The following OR2L13 variants were observed in gnomAD, a reference collection of about 807,000 sequenced individuals.
The protein encoded by OR2L13 is olfactory receptor family 2 subfamily L member 13, also known as olfactory receptor 2L13.
OR2L13 carries 14 observed loss-of-function variants against 15.3 expected under a neutral mutation model. The observed-to-expected ratio is 0.91, with a 90% confidence interval of 0.60 to 1.43. The LOEUF is 1.43. Among genes scored for constraint, OR2L13 ranks in the 40% most tolerant of loss-of-function variants. The probability of loss-of-function intolerance (pLI) is 0.00; values close to 1 mark genes in which losing one functional copy is unlikely to be tolerated. For missense variants in OR2L13, 367 were observed against 387.9 expected, an observed-to-expected ratio of 0.95 and a Z score of 0.45; for synonymous variants, 152 against 142.9, an observed-to-expected ratio of 1.06 and a Z score of -0.45.
At chr1:248,081,692 T>C in the OR2L13 span, among the ~76,000 whole-genome samples, 2 of 152,082 alleles carry the variant, frequency 1.3e-5, no homozygotes, top group East Asian at 3.8e-4. Flanking sequence ...TTAAAAAGAG[T>C]AGCAAACTTT....
chr1:247,994,312 G>A, the OR2L13 span, among the ~76,000 whole-genome samples: 1 of 152,142 alleles, frequency 6.6e-6, no homozygotes, highest in Non-Finnish European at 1.5e-5. Flanking sequence ...CAGGAGAATG[G>A]CGTGAACCCG....
At chr1:248,031,325 A>C in the OR2L13 span, among the ~76,000 whole-genome samples, 7 of 152,308 alleles carry the variant, frequency 4.6e-5, no homozygotes, top group South Asian at 1.4e-3. Flanking sequence ...TGTTCATGAG[A>C]TATTGTAACA....
At chr1:247,948,104 T>C in the OR2L13 span, among the ~76,000 whole-genome samples, 1 of 152,022 alleles carries the variant, frequency 6.6e-6, no homozygotes, top group South Asian at 2.1e-4. Context: ...TCGCAGCTAC[T>C]CAGGAGGCTG....
At chr1:248,028,522 T>C in the OR2L13 span, among the ~76,000 whole-genome samples, 2 of 152,250 alleles carry the variant, frequency 1.3e-5, no homozygotes, top group African/African-American at 4.8e-5. Context: ...ATAATTCAAA[T>C]GGACTGAATA....
the OR2L13 span, among the ~76,000 whole-genome samples, chr1:248,067,939 G>T: frequency 6.6e-6 from 1 of 152,248 alleles, no homozygotes; most frequent in Non-Finnish European, 1.5e-5. Context: ...AGCGAGGCTG[G>T]GGGAGGGGCG....
At chr1:247,986,079 A>AG in the OR2L13 span, among the ~76,000 whole-genome samples, 1 of 152,124 alleles carries the variant, frequency 6.6e-6, no homozygotes, top group African/African-American at 2.4e-5. Flanking sequence ...CTCTGATGGT[A>AG]GTTTCTTTTG....
the OR2L13 span, among the ~76,000 whole-genome samples, chr1:248,017,298 A>T: frequency 6.6e-6 from 1 of 152,242 alleles, no homozygotes; most frequent in Non-Finnish European, 1.5e-5. Context: ...TGTCCTCTTC[A>T]CATTACTGAA....
chr1:248,014,738 T>C, the OR2L13 span, among the ~76,000 whole-genome samples: 2 of 152,168 alleles, frequency 1.3e-5, no homozygotes. Context: ...CCCAGTCAAG[T>C]AATACACGGT....
At chr1:248,019,514 G>C in the OR2L13 span, among the ~76,000 whole-genome samples, 1 of 151,994 alleles carries the variant, frequency 6.6e-6, no homozygotes, top group Non-Finnish European at 1.5e-5. Flanking sequence ...CTTACACTTA[G>C]GTCTTTGATT....
At chr1:247,994,396 CA>C in the OR2L13 span, among the ~76,000 whole-genome samples, 1 of 152,096 alleles carries the variant, frequency 6.6e-6, no homozygotes, top group Non-Finnish European at 1.5e-5. Flanking sequence ...GACTCCATCT[CA>C]AAAACAAACA....
chr1:248,008,260 A>G, the OR2L13 span, among the ~76,000 whole-genome samples: 3 of 152,052 alleles, frequency 2.0e-5, no homozygotes, highest in Non-Finnish European at 4.4e-5. Flanking sequence ...TCCTAGTGAC[A>G]CCCCTAGAAT....
chr1:248,077,852 G>T, the OR2L13 span, among the ~76,000 whole-genome samples: 3 of 152,056 alleles, frequency 2.0e-5, no homozygotes, highest in South Asian at 2.1e-4. Context: ...GAGCAAAAGA[G>T]TTAAACAGAC....
At chr1:248,049,967 C>T in the OR2L13 span, among the ~76,000 whole-genome samples, 4 of 152,066 alleles carry the variant, frequency 2.6e-5, no homozygotes, top group Non-Finnish European at 1.5e-5. Flanking sequence ...TACTGAAAAT[C>T]TCTGAATCTC....
the OR2L13 span, chr1:248,084,667 G>A: frequency 1.3e-6 from 2 of 1,511,504 alleles, no homozygotes; most frequent in Non-Finnish European, 1.8e-6. Context: ...TGAATAACGA[G>A]CTAACTTCCC....
chr1:248,093,578 A>G (rs1664648776), upstream of OR2L13, among the ~76,000 whole-genome samples: 1 of 152,146 alleles, frequency 6.6e-6, no homozygotes. Context: ...AAAGCACTAG[A>G]ATGGCTTTGT....
chr1:248,068,375 C>G, the OR2L13 span, among the ~76,000 whole-genome samples: 1 of 152,078 alleles, frequency 6.6e-6, no homozygotes, highest in Non-Finnish European at 1.5e-5. Flanking sequence ...GCTGCTGGTA[C>G]CCAGGCAAAC....
chr1:248,061,133 G>C, the OR2L13 span: 2 of 1,613,654 alleles, frequency 1.2e-6, no homozygotes, highest in Non-Finnish European at 1.7e-6. Flanking sequence ...TGGATCATAG[G>C]CTCGATCAAT....
chr1:248,056,664 T>C, the OR2L13 span, among the ~76,000 whole-genome samples: 14 of 125,190 alleles, frequency 1.1e-4, no homozygotes, highest in Non-Finnish European at 1.8e-4. Flanking sequence ...TGTGTGGTTT[T>C]GAGGGGGCTT....
chr1:247,978,092 A>T, the OR2L13 span, among the ~76,000 whole-genome samples: 1 of 152,126 alleles, frequency 6.6e-6, no homozygotes, highest in Non-Finnish European at 1.5e-5. Context: ...AGAGGATTAT[A>T]AATGTACCAA....
Sources: gnomAD v4.1 joint callset for allele counts (sites outside exome capture counted in the v4.1 genomes callset) on GRCh38, gnomAD v4.1.1 for gene constraint, MANE v1.5 for transcripts, NCBI Gene and HGNC (gene_info 2026-07-23, HGNC 2026-07-21) for gene names.